The following CSE1L variants were observed in gnomAD, a reference collection of about 807,000 sequenced individuals.
The protein encoded by CSE1L is exportin-2.
CSE1L carries 24 observed loss-of-function variants against 120.4 expected under a neutral mutation model. The ratio of observed to expected loss-of-function variants is 0.20; its 90% CI spans 0.14 to 0.28. CSE1L has a LOEUF of 0.28. CSE1L is among the 10% of genes least tolerant of loss of function. CSE1L has a pLI of 1.00. For synonymous variants in CSE1L, 402 were observed against 398.3 expected, an observed-to-expected ratio of 1.01 and a Z score of -0.11; for missense variants, 830 against 1,145.2, an observed-to-expected ratio of 0.72 and a Z score of 3.97.
rs898907302 is a variant in CSE1L at position 49,094,622 on chromosome 20, T to G, written c.2595-110T>G. Reference sequence around the variant, plus strand: ...ACCATCTTAATTTCAAAGGTCCCCTTTTATTCTTGAGACTATGAGTCTGTA... The same window carrying G: ...ACCATCTTAATTTCAAAGGTCCCCTGTTATTCTTGAGACTATGAGTCTGTA... On this transcript the variant is annotated intron_variant, in intron 23 of 24. Coordinates refer to ENST00000262982, the MANE Select transcript of CSE1L (RefSeq NM_001316.4). The G allele has an allele frequency of 4.1e-6, 3 of 729,092 alleles. No individual in the cohort carries two copies. The African/African-American group carries it at 5.3e-5, about 13-fold the overall frequency. The allele number at this position is 729,092 out of a possible 1,614,324, so 45.2% of individuals were successfully genotyped here. A position where few individuals can be genotyped will look rare whatever the true frequency, so the allele number is the denominator to read the frequency against.
chr20:49,061,793 G>T (rs1269849577), intron 2 of CSE1L, among the ~76,000 whole-genome samples: 2 of 151,902 alleles, frequency 1.3e-5, no homozygotes, highest in African/African-American at 2.4e-5. Context: ...GTGAGCCACC[G>T]CACCCGGCAA....
rs374583756 is a variant in CSE1L at position 49,084,174 on chromosome 20, A to C, written c.1619+12A>C. ...AACAATGCCACTCTGTGAGTATTTT[A>C]TTCTAAAGTTTTTTAGCCTGGGGTA... On this transcript the variant is annotated intron_variant, in intron 15 of 24. Transcript: ENST00000262982. 1.2e-6 allele frequency: 2 copies of C among 1,613,250 alleles called. No individual in the cohort carries two copies. The highest frequency in any genetic ancestry group is 2.2e-5 in the East Asian group (1 of 44,858).
At chr20:49,046,772 G>T (rs888868311) in intron 1 of CSE1L, among the ~76,000 whole-genome samples, 21 of 152,222 alleles carry the variant, frequency 1.4e-4, no homozygotes, top group Non-Finnish European at 1.9e-4. Flanking sequence ...CTCTCCGCTC[G>T]GGAAGGCCGC....
intron 8 of CSE1L, among the ~76,000 whole-genome samples, chr20:49,071,390 G>A (rs1177799167): frequency 6.6e-6 from 1 of 152,186 alleles, no homozygotes; most frequent in Non-Finnish European, 1.5e-5. Flanking sequence ...ATTCTTACAA[G>A]GACCTTTTTG....
chr20:49,090,202 C>G (rs1271845640), intron 19 of CSE1L, among the ~76,000 whole-genome samples: 1 of 151,982 alleles, frequency 6.6e-6, no homozygotes, highest in Non-Finnish European at 1.5e-5. Flanking sequence ...ATTCTGTATC[C>G]TTTAGTTATT....
At position 49,096,532 on chromosome 20, in the gene CSE1L, T is replaced by TGTTTTAA; in HGVS notation, c.*94_*95insGTTTTAA. 2.1e-6 allele frequency: 2 copies of TGTTTTAA among 933,152 alleles called. No homozygotes were observed. The highest frequency in any genetic ancestry group is 1.6e-5 in the African/African-American group (1 of 60,850). 57.8% of individuals were successfully genotyped at this position (933,152 alleles called of 1,614,324 possible). A position where few individuals can be genotyped will look rare whatever the true frequency, so the allele number is the denominator to read the frequency against. On this transcript the variant is annotated 3_prime_UTR_variant, in exon 25 of 25. Coordinates refer to ENST00000262982, the MANE Select transcript of CSE1L (RefSeq NM_001316.4). ...CATTAAAACAAAGGAAGTTCTCCTT[T>TGTTTTAA]TGAACTTGTCACGAATTCCATCTTG...
Position 49,072,629 on chromosome 20 carries a change from T to C in CSE1L, c.998T>C (p.Leu333Pro). Residue 333 changes from leucine to proline, a missense_variant, in exon 10 of 25, where the codon CTA becomes CCA. Transcript: ENST00000262982. ...TGTGAGAGACCTCATTATAAGAATC[T>C]ATTTGAGGACCAGAACACGCTGACA... ...SVCERPHYKN[L>P]FEDQNTLTSI... 1 of 1,613,866 alleles carries C rather than the reference T, an allele frequency of 6.2e-7. No individual in the cohort carries two copies. The highest frequency in any genetic ancestry group is 8.5e-7 in the Non-Finnish European group (1 of 1,179,890).
Position 49,068,967 on chromosome 20 carries a change from G to T in CSE1L, c.675+145G>T, listed in dbSNP as rs8120303. On this transcript the variant is annotated intron_variant, in intron 7 of 24. Coordinates refer to ENST00000262982, the MANE Select transcript of CSE1L (RefSeq NM_001316.4). ...TGACTCTATTTATCTATAGTGTTCTGTTCTACAGTAGTTCTTTCAGATGCT... is the reference window on the plus strand; with the variant it reads ...TGACTCTATTTATCTATAGTGTTCTTTTCTACAGTAGTTCTTTCAGATGCT... The T allele has an allele frequency of 4.9e-6, 3 of 609,514 alleles. No individual in the cohort carries two copies. The Admixed American group carries it at 8.9e-5, about 18-fold the overall frequency. 37.8% of individuals were successfully genotyped at this position (609,514 alleles called of 1,614,324 possible).
At chr20:49,068,852 T>C in intron 7 of CSE1L, 30 bp downstream of exon 7, 1 of 1,399,130 alleles carries the variant, frequency 7.1e-7, no homozygotes, top group Middle Eastern at 1.8e-4. Flanking sequence ...TGCTTTTGGT[T>C]CTTACTCTTT....
rs1568779223 is a variant in CSE1L at position 49,078,630 on chromosome 20, GC to G, written c.1482+9del. On this transcript the variant is annotated intron_variant, in intron 14 of 24. Transcript: ENST00000262982. ...ATGATTTTTAGAAATCAAGTAAGTAGCTTTTTATTTGTTACACGCCACTTAA... is the reference window on the plus strand; with the variant it reads ...ATGATTTTTAGAAATCAAGTAAGTAGTTTTTATTTGTTACACGCCACTTAA... The G allele has an allele frequency of 1.3e-6, 2 of 1,539,698 alleles. No individual in the cohort carries two copies. Among genetic ancestry groups the G allele is most frequent in the South Asian group, 2.4e-5 (2 of 82,816 alleles).
At chr20:49,050,244 G>A (rs971456769) in intron 1 of CSE1L, among the ~76,000 whole-genome samples, 4 of 134,514 alleles carry the variant, frequency 3.0e-5, no homozygotes, top group African/African-American at 1.0e-4. Flanking sequence ...TTGGAGACAG[G>A]GTTTCACTCA....
chr20:49,094,404 C>A, intron 23 of CSE1L, 118 bp downstream of exon 23: 1 of 963,174 alleles, frequency 1.0e-6, no homozygotes, highest in Non-Finnish European at 1.6e-6. Context: ...TCAGCTTCTC[C>A]ACAATCAGAT....
rs753873058 is a variant in CSE1L at position 49,096,476 on chromosome 20, C to T, written c.*38C>T. 2 of 1,488,742 alleles carry T rather than the reference C, an allele frequency of 1.3e-6. No homozygotes were observed. Among genetic ancestry groups the T allele is most frequent in the African/African-American group, 1.4e-5 (1 of 72,386 alleles). 92.2% of individuals were successfully genotyped at this position (1,488,742 alleles called of 1,614,324 possible). A position where few individuals can be genotyped will look rare whatever the true frequency, so the allele number is the denominator to read the frequency against. On this transcript the variant is annotated 3_prime_UTR_variant, in exon 25 of 25. Transcript: ENST00000262982. The stretch of plus-strand genomic sequence containing the variant: ...TAATGGGCTAAACCCAGATGGTTTC[C>T]TAGGAAATCACAGGCTTCTGAGCAC...
chr20:49,096,137 C>T (rs2092138724), intron 24 of CSE1L: 1 of 695,210 alleles, frequency 1.4e-6, no homozygotes, highest in African/African-American at 1.8e-5. Flanking sequence ...ACCACTATCA[C>T]ACCTAATAAT....
At chr20:49,049,913 G>C (rs762259718) in intron 1 of CSE1L, among the ~76,000 whole-genome samples, 2 of 152,150 alleles carry the variant, frequency 1.3e-5, no homozygotes, top group Non-Finnish European at 2.9e-5. Flanking sequence ...TGTAGTCCCA[G>C]CTACTTGGGA....
chr20:49,083,761 A>G (rs745765293), intron 14 of CSE1L, among the ~76,000 whole-genome samples: 7 of 152,102 alleles, frequency 4.6e-5, no homozygotes, highest in Non-Finnish European at 1.0e-4. Context: ...CTTCTCTGTG[A>G]TATTATTATT....
chr20:49,074,988 C>A, intron 11 of CSE1L, 138 bp downstream of exon 11: 1 of 630,060 alleles, frequency 1.6e-6, no homozygotes, highest in Non-Finnish European at 2.7e-6. Context: ...TGTTGTCTTT[C>A]TTCAACTTGT....
intron 2 of CSE1L, among the ~76,000 whole-genome samples, chr20:49,062,198 A>G (rs1453288827): frequency 6.6e-6 from 1 of 152,210 alleles, no homozygotes; most frequent in African/African-American, 2.4e-5. Context: ...AAACCATAGT[A>G]TGTCCCCTCC....
chr20:49,093,608 G>A (rs1193748875), intron 22 of CSE1L, among the ~76,000 whole-genome samples: 1 of 119,772 alleles, frequency 8.3e-6, no homozygotes, highest in East Asian at 2.3e-4. Context: ...CTGGCCAGGT[G>A]TAATTTTTAA....
Sources: gnomAD v4.1 joint callset for allele counts (sites outside exome capture counted in the v4.1 genomes callset) on GRCh38, gnomAD v4.1.1 for gene constraint, MANE v1.5 for transcripts, NCBI Gene and HGNC (gene_info 2026-07-23, HGNC 2026-07-21) for gene names.